The following SLC30A9 variants were observed in gnomAD, a reference collection of about 807,000 sequenced individuals.
SLC30A9 encodes the protein proton-coupled zinc antiporter SLC30A9, mitochondrial.
Under a neutral mutation model 87.5 loss-of-function variants are expected in SLC30A9, and 58 were observed. That is an observed-to-expected ratio of 0.66 (90% confidence interval 0.54 to 0.82). SLC30A9 has a LOEUF of 0.82. Ranked by LOEUF, SLC30A9 falls within the 40% of genes least tolerant of loss-of-function variation. SLC30A9 has a pLI of 0.00. For missense variants in SLC30A9, 557 were observed against 679.1 expected (o/e 0.82, Z 2.00); for synonymous variants, 234 against 233.0 (o/e 1.00, Z -0.04).
Position 42,023,293 on chromosome 4 carries a change from T to C in SLC30A9, c.528-9T>C. ...TTGTTCATTGTGGTGACCATGTGTG[T>C]ATGCACAGATCTTTGGAAGTTTGGG... On this transcript the variant is annotated splice_polypyrimidine_tract_variant and intron_variant, in intron 5 of 17. Coordinates refer to ENST00000264451, the MANE Select transcript of SLC30A9 (RefSeq NM_006345.4). 4 of 1,598,350 alleles carry C rather than the reference T, an allele frequency of 2.5e-6. No individual in the cohort carries two copies. The highest frequency in any genetic ancestry group is 3.4e-6 in the Non-Finnish European group (4 of 1,165,656).
chr4:42,005,258 G>A (rs1022579397), intron 2 of SLC30A9, among the ~76,000 whole-genome samples: 1 of 152,106 alleles, frequency 6.6e-6, no homozygotes, highest in Non-Finnish European at 1.5e-5. Context: ...CTTTCTGCCT[G>A]GAAGGGTTTG....
Position 42,006,782 on chromosome 4 carries a change from G to T in SLC30A9, c.274+5002G>T, listed in dbSNP as rs574324445. 3.9e-5 allele frequency among the ~76,000 whole-genome samples: 6 copies of T among 152,080 alleles called. No homozygotes were observed. The South Asian group carries it at 1.2e-3, about 32-fold the overall frequency. On this transcript the variant is annotated intron_variant, in intron 2 of 17. Transcript: ENST00000264451. ...TAGTGAGTAGAGGATTTGGCGGTGG[G>T]GTTGGTAGTGTTGAAAGTACAAGAG...
At chr4:41,993,163 G>C (rs537153006) in intron 1 of SLC30A9, among the ~76,000 whole-genome samples, 3 of 150,000 alleles carry the variant, frequency 2.0e-5, no homozygotes, top group South Asian at 4.2e-4. Context: ...TTTTAATAAC[G>C]AAATTTATAT....
intron 2 of SLC30A9, among the ~76,000 whole-genome samples, chr4:42,014,535 G>A (rs1577684963): frequency 7.0e-6 from 1 of 143,504 alleles, no homozygotes; most frequent in South Asian, 2.3e-4. Context: ...CCAGCCTGGC[G>A]ACAGAGCGAG....
intron 7 of SLC30A9, among the ~76,000 whole-genome samples, chr4:42,036,693 T>A (rs1716687273): frequency 6.6e-6 from 1 of 152,266 alleles, no homozygotes; most frequent in Admixed American, 6.5e-5. Flanking sequence ...AAATCTTATT[T>A]GATATGCTTT....
chr4:42,006,292 T>C (rs1715196990), intron 2 of SLC30A9, among the ~76,000 whole-genome samples: 1 of 152,174 alleles, frequency 6.6e-6, no homozygotes, highest in South Asian at 2.1e-4. Flanking sequence ...GGAAATTCAT[T>C]AATGGTGCTG....
chr4:41,993,637 C>G (rs1714553452), intron 1 of SLC30A9, among the ~76,000 whole-genome samples: 1 of 152,148 alleles, frequency 6.6e-6, no homozygotes, highest in African/African-American at 2.4e-5. Context: ...AACAGGAACT[C>G]TCTTAACTAC....
intron 7 of SLC30A9, among the ~76,000 whole-genome samples, chr4:42,035,698 G>C (rs1716651074): frequency 6.6e-6 from 1 of 152,006 alleles, no homozygotes; most frequent in South Asian, 2.1e-4. Context: ...GTTTCACCAT[G>C]TTGGCTAGGT....
At chr4:42,076,014 TC>T (rs1718534293) in intron 16 of SLC30A9, among the ~76,000 whole-genome samples, 1 of 152,170 alleles carries the variant, frequency 6.6e-6, no homozygotes, top group South Asian at 2.1e-4. Flanking sequence ...TCTTTTTTTA[TC>T]TAATTTACCC....
In SLC30A9 at chr4:42,049,443, A is replaced by G. The variant is rs1360981109; in HGVS notation, c.804A>G (p.Ser268=). The G allele has an allele frequency of 2.5e-6, 4 of 1,610,826 alleles. No homozygotes were observed. Among genetic ancestry groups the G allele is most frequent in the Non-Finnish European group, 2.5e-6 (3 of 1,177,952 alleles). Residue 268 remains serine (S), a synonymous_variant, in exon 9 of 18, where the codon TCA becomes TCG. Transcript: ENST00000264451. The stretch of plus-strand genomic sequence containing the variant: ...ATACCGGTTCAGCAAGTATGTTCTC[A>G]GAAGCTATACACTCATTATCTGATA... ...WIYTGSASMF[S]EAIHSLSDTC...
intron 6 of SLC30A9, among the ~76,000 whole-genome samples, chr4:42,023,940 A>G (rs1016712204): frequency 7.2e-5 from 11 of 152,182 alleles, no homozygotes; most frequent in Admixed American, 5.9e-4. Context: ...ACTCAGTATC[A>G]TGAGAACAGT....
intron 4 of SLC30A9, 135 bp downstream of exon 4, chr4:42,020,650 T>C: frequency 2.0e-6 from 1 of 501,198 alleles, no homozygotes; most frequent in South Asian, 3.4e-5. Context: ...AAGAGATATT[T>C]TTATTCAGTC....
At position 42,070,623 on chromosome 4, in the gene SLC30A9, A is replaced by AGGG. The variant is rs1438586263; in HGVS notation, c.1351_1353dup (p.Gly451dup). 6.2e-7 allele frequency: 1 copy of AGGG among 1,614,096 alleles called. No individual in the cohort carries two copies. Among genetic ancestry groups the AGGG allele is most frequent in the Admixed American group, 1.7e-5 (1 of 60,024 alleles). ...TCTACACTAACACAGAAGCACTCTTAGGGCGGTCCATCCAGCCAGAACAAG... is the reference window on the plus strand; with the variant it reads ...TCTACACTAACACAGAAGCACTCTTAGGGGGGCGGTCCATCCAGCCAGAACAAG... On this transcript the variant is annotated inframe_insertion, in exon 15 of 18. Coordinates refer to ENST00000264451, the MANE Select transcript of SLC30A9 (RefSeq NM_006345.4).
In SLC30A9 at chr4:42,001,682, G is replaced by T; in HGVS notation, c.176G>T (p.Gly59Val). ...NMVPCSHPYI[G>V]TLSQVKLYST... ...GTTCCCTGTAGTCATCCATATATTG[G>T]TACCCTGAGTCAAGTAAAGTTGTAC... Residue 59 changes from glycine to valine, a missense_variant, in exon 2 of 18, where the codon GGT becomes GTT. By Grantham distance (109) the Gly-to-Val change is moderately radical (BLOSUM62 -3). Around this residue, in one of 2 missense-constraint regions of SLC30A9, gnomAD observed 467 missense variants for 529.8 expected, o/e 0.88. Coordinates refer to ENST00000264451, the MANE Select transcript of SLC30A9 (RefSeq NM_006345.4). 1 of 1,608,270 alleles carries T rather than the reference G, an allele frequency of 6.2e-7. No homozygotes were observed.
intron 2 of SLC30A9, among the ~76,000 whole-genome samples, chr4:42,005,028 A>G (rs1715142549): frequency 6.6e-6 from 1 of 152,056 alleles, no homozygotes; most frequent in Admixed American, 6.5e-5. Context: ...TTTCAGACTT[A>G]CCTTTTATTA....
chr4:42,054,037 A>G (rs1717499673), intron 9 of SLC30A9, among the ~76,000 whole-genome samples: 1 of 152,162 alleles, frequency 6.6e-6, no homozygotes, highest in South Asian at 2.1e-4. Context: ...TTTCAAGGGT[A>G]TGTGTATTTG....
At chr4:42,064,182 A>G (rs932931574) in intron 11 of SLC30A9, among the ~76,000 whole-genome samples, 11 of 152,120 alleles carry the variant, frequency 7.2e-5, no homozygotes, top group Non-Finnish European at 1.6e-4. Context: ...AGAAATCTTC[A>G]TTTTTGGCCT....
chr4:42,050,947 G>C (rs150310228), intron 9 of SLC30A9, among the ~76,000 whole-genome samples: 1 of 152,174 alleles, frequency 6.6e-6, no homozygotes, highest in Non-Finnish European at 1.5e-5. Flanking sequence ...AGAGGAAGGA[G>C]CTACAAGGAC....
chr4:42,013,834 G>A (rs577083648), intron 2 of SLC30A9, among the ~76,000 whole-genome samples: 12 of 152,300 alleles, frequency 7.9e-5, no homozygotes, highest in African/African-American at 2.6e-4. Context: ...ATTGGACTGG[G>A]CAGATTTCTT....
Sources: gnomAD v4.1 joint callset for allele counts (sites outside exome capture counted in the v4.1 genomes callset) on GRCh38, gnomAD v4.1.1 for gene constraint, gnomAD v4.1.1 regional missense constraint, MANE v1.5 for transcripts, NCBI Gene and HGNC (gene_info 2026-07-23, HGNC 2026-07-21) for gene names.